PDE4B: variants seen among roughly 807,000 people sequenced by gnomAD.
PDE4B encodes phosphodiesterase 4B, also known as 3',5'-cyclic-AMP phosphodiesterase 4B.
A neutral mutation model predicts 82.2 loss-of-function variants in PDE4B; 20 were observed. The observed-to-expected ratio is 0.24, with a 90% CI of 0.17 to 0.35. The LOEUF (loss-of-function observed/expected upper bound fraction) is 0.35. Ranked by LOEUF, PDE4B falls within the 10% of genes least tolerant of loss-of-function variation. The probability of loss-of-function intolerance (pLI) is 1.00; values close to 1 mark genes in which losing one functional copy is unlikely to be tolerated. For missense variants in PDE4B, 655 were observed against 907.2 expected (o/e 0.72, Z 3.57); for synonymous variants, 320 against 318.9 (o/e 1.00, Z -0.04).
At chr1:65,995,703 C>G (rs1477190205) in intron 3 of PDE4B, among the ~76,000 whole-genome samples, 1 of 152,144 alleles carries the variant, frequency 6.6e-6, no homozygotes, top group African/African-American at 2.4e-5. Flanking sequence ...ATGTAACCAG[C>G]CTTTCACGAT....
At chr1:65,945,660 A>G (rs1226309524) in intron 3 of PDE4B, among the ~76,000 whole-genome samples, 2 of 152,030 alleles carry the variant, frequency 1.3e-5, no homozygotes, top group African/African-American at 2.4e-5. Flanking sequence ...AGGTCCATTC[A>G]TAGACTCTGT....
At chr1:66,292,713 A>G (rs1657175954) in intron 7 of PDE4B, among the ~76,000 whole-genome samples, 1 of 152,146 alleles carries the variant, frequency 6.6e-6, no homozygotes, top group African/African-American at 2.4e-5. Flanking sequence ...TACATATCGT[A>G]CACTGTTCTT....
chr1:66,372,394 G>T lies in PDE4B; in HGVS notation c.1927G>T (p.Asp643Tyr). The change falls in exon 17 of 17, where the codon GAT (aspartate) becomes TAT (tyrosine). Residue 643 changes from aspartate (D) to tyrosine (Y), a missense_variant. This residue lies in a region of PDE4B where 119 missense variants were observed against 115.2 expected (regional missense o/e 1.03). Transcript: ENST00000341517. Reference protein sequence around the residue: ...LVQPDAQDILDTLEDNRNWYQ... With the variant: ...LVQPDAQDILYTLEDNRNWYQ... ...ACAGCCTGATGCTCAGGACATTCTCGATACCTTAGAAGATAACAGGAACTG... is the reference window on the plus strand; with the variant it reads ...ACAGCCTGATGCTCAGGACATTCTCTATACCTTAGAAGATAACAGGAACTG... 6.2e-7 allele frequency: 1 copy of T among 1,614,054 alleles called. No individual in the cohort carries two copies. The highest frequency in any genetic ancestry group is 1.1e-5 in the South Asian group (1 of 91,080).
chr1:66,337,756 G>C (rs911797768), intron 8 of PDE4B, among the ~76,000 whole-genome samples: 16 of 152,340 alleles, frequency 1.1e-4, no homozygotes, highest in African/African-American at 3.6e-4. Context: ...CCCTGGATTA[G>C]AGGGCAGAAT....
chr1:65,872,181 G>A (rs1646580761), intron 1 of PDE4B, among the ~76,000 whole-genome samples: 1 of 152,146 alleles, frequency 6.6e-6, no homozygotes, highest in Non-Finnish European at 1.5e-5. Context: ...TTCAGGAAAT[G>A]TGAAGTTTTA....
chr1:65,956,503 A>G (rs533957957), intron 3 of PDE4B, among the ~76,000 whole-genome samples: 11 of 152,198 alleles, frequency 7.2e-5, no homozygotes, highest in African/African-American at 2.6e-4. Context: ...ACTATTATAT[A>G]CTGTTTTAGA....
At chr1:66,283,048 G>A (rs1279292980) in intron 7 of PDE4B, among the ~76,000 whole-genome samples, 8 of 152,120 alleles carry the variant, frequency 5.3e-5, no homozygotes, top group Non-Finnish European at 1.2e-4. Context: ...CATTCATTGA[G>A]TGCTTATGAG....
chr1:65,876,083 G>C (rs1001885562), intron 1 of PDE4B, among the ~76,000 whole-genome samples: 1 of 152,062 alleles, frequency 6.6e-6, no homozygotes, highest in Non-Finnish European at 1.5e-5. Flanking sequence ...TGTGGGGGCG[G>C]AAGTTTTTTT....
chr1:65,867,767 T>C (rs1473518951), intron 1 of PDE4B, among the ~76,000 whole-genome samples: 1 of 152,230 alleles, frequency 6.6e-6, no homozygotes, highest in Non-Finnish European at 1.5e-5. Flanking sequence ...GTTAGTGTCT[T>C]TTCCCAAACA....
chr1:65,945,539 G>A (rs2100556968), intron 3 of PDE4B, among the ~76,000 whole-genome samples: 1 of 152,052 alleles, frequency 6.6e-6, no homozygotes, highest in African/African-American at 2.4e-5. Flanking sequence ...CCGAATGGCA[G>A]GTTGGTCTCC....
chr1:66,242,634 C>T (rs1199285311), intron 3 of PDE4B, among the ~76,000 whole-genome samples: 1 of 152,126 alleles, frequency 6.6e-6, no homozygotes, highest in East Asian at 1.9e-4. Flanking sequence ...GGGACAATTG[C>T]AGGCAATTCT....
intron 3 of PDE4B, among the ~76,000 whole-genome samples, chr1:66,206,243 C>A (rs1401172053): frequency 6.6e-6 from 1 of 152,128 alleles, no homozygotes; most frequent in Non-Finnish European, 1.5e-5. Context: ...TGGAATTTAC[C>A]CTACAGGAGT....
rs1403600938 is a variant in PDE4B at position 66,257,809 on chromosome 1, G to A, written c.530G>A (p.Arg177Gln). The change falls in exon 6 of 17, where the codon CGA becomes CAA. Residue 177 changes from arginine to glutamine, a missense_variant. Around this residue, in one of 3 missense-constraint regions of PDE4B, gnomAD observed 253 missense variants for 275.6 expected, o/e 0.92. Transcript: ENST00000341517. Reference sequence around the variant, plus strand: ...TTCTTCTAGGTCCTTGCCAGCTTGCGAAGTGTGAGAAACAACTTCACTATA... The same window carrying A: ...TTCTTCTAGGTCCTTGCCAGCTTGCAAAGTGTGAGAAACAACTTCACTATA... Reference protein sequence around the residue: ...TPFAQVLASLRSVRNNFTILT... With the variant: ...TPFAQVLASLQSVRNNFTILT... 7.4e-6 allele frequency: 12 copies of A among 1,613,150 alleles called. No individual in the cohort carries two copies. Among genetic ancestry groups the A allele is most frequent in the Middle Eastern group, 3.3e-4 (2 of 6,056 alleles).
At chr1:66,070,973 G>A (rs1449400362) in intron 3 of PDE4B, among the ~76,000 whole-genome samples, 1 of 151,840 alleles carries the variant, frequency 6.6e-6, no homozygotes, top group African/African-American at 2.4e-5. Context: ...TATAAGCTAT[G>A]AAAGCATTAT....
chr1:65,982,297 G>A (rs1003589421), intron 3 of PDE4B, among the ~76,000 whole-genome samples: 4 of 152,152 alleles, frequency 2.6e-5, no homozygotes, highest in Admixed American at 2.6e-4. Context: ...ATATTTAGCT[G>A]AGGAGCTTTC....
chr1:66,020,855 G>T (rs1416244908), intron 3 of PDE4B, among the ~76,000 whole-genome samples: 1 of 152,108 alleles, frequency 6.6e-6, no homozygotes, highest in East Asian at 1.9e-4. Flanking sequence ...TGGGTCAAAT[G>T]GTATTTCTAG....
chr1:66,257,626 C>CT (rs770844336), intron 4 of PDE4B, 21 bp from the exon 5 acceptor site: 5 of 1,608,738 alleles, frequency 3.1e-6, no homozygotes, highest in Non-Finnish European at 4.3e-6. Context: ...TCTAAAGGTT[C>CT]TTTTTTTCTC....
At chr1:66,286,388 G>A (rs917941591) in intron 7 of PDE4B, among the ~76,000 whole-genome samples, 20 of 152,110 alleles carry the variant, frequency 1.3e-4, no homozygotes, top group Non-Finnish European at 1.5e-5. Flanking sequence ...CAGAAACATA[G>A]CCTGTGGCCT....
chr1:65,799,431 G>T (rs1368764188), intron 1 of PDE4B, among the ~76,000 whole-genome samples: 2 of 152,086 alleles, frequency 1.3e-5, no homozygotes, highest in Admixed American at 6.5e-5. Flanking sequence ...GGGAGGACAT[G>T]ATTTTTTTAA....
Sources: gnomAD v4.1 joint callset for allele counts (sites outside exome capture counted in the v4.1 genomes callset) on GRCh38, gnomAD v4.1.1 for gene constraint, gnomAD v4.1.1 regional missense constraint, MANE v1.5 for transcripts, NCBI Gene and HGNC (gene_info 2026-07-23, HGNC 2026-07-21) for gene names.